Variants in GTPBP10 observed in about 807,000 individuals in gnomAD.
GTPBP10 encodes GTP-binding protein 10.
Under a neutral mutation model 44.8 loss-of-function variants are expected in GTPBP10, and 38 were observed. The observed-to-expected ratio is 0.85, with a 90% CI of 0.65 to 1.11. GTPBP10 has a LOEUF of 1.11. Among genes scored for constraint, GTPBP10 ranks in the 50% most tolerant of loss-of-function variants. GTPBP10 has a pLI of 0.00. For missense variants in GTPBP10, 462 were observed against 453.7 expected (o/e 1.02, Z -0.17); for synonymous variants, 152 against 150.6 (o/e 1.01, Z -0.07).
chr7:90,358,443 A>G (rs1795947976), intron 4 of GTPBP10, among the ~76,000 whole-genome samples: 1 of 152,168 alleles, frequency 6.6e-6, no homozygotes, highest in Non-Finnish European at 1.5e-5. Flanking sequence ...GGAACAGAAT[A>G]GAGAACCCAG....
intron 1 of GTPBP10, among the ~76,000 whole-genome samples, chr7:90,350,473 TAGA>T (rs1795769209): frequency 6.6e-6 from 1 of 151,924 alleles, no homozygotes; most frequent in Non-Finnish European, 1.5e-5. Context: ...TTGAGGAATC[TAGA>T]ACTGTCTTCC....
At chr7:90,367,413 C>CT (rs1216963067) in intron 4 of GTPBP10, among the ~76,000 whole-genome samples, 2 of 152,136 alleles carry the variant, frequency 1.3e-5, no homozygotes, top group African/African-American at 4.8e-5. Context: ...GTGTGGGAGT[C>CT]TAAGTCTCTT....
rs1018855799 is a variant in GTPBP10, at chr7:90,390,125, A to G, written c.*4971A>G. On this transcript the variant is annotated 3_prime_UTR_variant, in exon 10 of 10. Coordinates refer to ENST00000222511, the MANE Select transcript of GTPBP10 (RefSeq NM_033107.4). ...TTTTTCTAATTGAAGCTTGGCAAGC[A>G]GAGGGAAATGTATTAGGGAAATAGC... 1 of 152,228 alleles carries G rather than the reference A, an allele frequency of 6.6e-6. No individual in the cohort carries two copies. Among genetic ancestry groups the G allele is most frequent in the African/African-American group, 2.4e-5 (1 of 41,462 alleles). The allele number at this position is 152,228 out of a possible 1,614,324, so 9.4% of individuals were successfully genotyped here.
intron 4 of GTPBP10, among the ~76,000 whole-genome samples, chr7:90,356,969 A>G (rs1231890088): frequency 6.6e-6 from 1 of 152,212 alleles, no homozygotes; most frequent in Non-Finnish European, 1.5e-5. Flanking sequence ...AAGATTTTTA[A>G]GTGGAATGTT....
intron 5 of GTPBP10, among the ~76,000 whole-genome samples, chr7:90,373,054 G>C (rs1382866722): frequency 1.3e-5 from 2 of 152,166 alleles, no homozygotes; most frequent in Admixed American, 1.3e-4. Context: ...GTAAAATAGA[G>C]TGGAGGGTGA....
chr7:90,361,474 G>T (rs1192200596), intron 4 of GTPBP10, among the ~76,000 whole-genome samples: 1 of 152,156 alleles, frequency 6.6e-6, no homozygotes, highest in African/African-American at 2.4e-5. Flanking sequence ...TGCATCCCAG[G>T]GATGAAGCCC....
intron 6 of GTPBP10, among the ~76,000 whole-genome samples, chr7:90,376,685 A>G (rs1272896837): frequency 6.6e-6 from 1 of 152,232 alleles, no homozygotes; most frequent in Non-Finnish European, 1.5e-5. Flanking sequence ...CCAAAACCAC[A>G]GTTACTTTTA....
At chr7:90,352,781 T>G in intron 1 of GTPBP10, 35 bp from the exon 2 acceptor site, 6 of 1,505,488 alleles carry the variant, frequency 4.0e-6, no homozygotes, top group Non-Finnish European at 5.4e-6. Flanking sequence ...GATACACTTT[T>G]GGTATACAAA....
chr7:90,369,897 G>A (rs1344555936), intron 4 of GTPBP10, among the ~76,000 whole-genome samples: 1 of 152,172 alleles, frequency 6.6e-6, no homozygotes, highest in Admixed American at 6.5e-5. Flanking sequence ...CCCATCTTCT[G>A]TGTCGATCTT....
chr7:90,351,104 G>A (rs1457077747), intron 1 of GTPBP10, among the ~76,000 whole-genome samples: 2 of 152,158 alleles, frequency 1.3e-5, no homozygotes, highest in Non-Finnish European at 2.9e-5. Flanking sequence ...TTGAGATCCC[G>A]GGATAGTTAC....
Position 90,391,193 on chromosome 7 carries a change from C to A in GTPBP10, c.*6039C>A, listed in dbSNP as rs1402975360. ...CTATAAAAATATGAAGCAGAAAACTCCCCCATGATTTCCTCATGTTGCTTA... is the reference window on the plus strand; with the variant it reads ...CTATAAAAATATGAAGCAGAAAACTACCCCATGATTTCCTCATGTTGCTTA... On this transcript the variant is annotated 3_prime_UTR_variant, in exon 10 of 10. Transcript: ENST00000222511. The A allele has an allele frequency of 6.6e-6, 1 of 152,116 alleles. No individual in the cohort carries two copies. Among genetic ancestry groups the A allele is most frequent in the African/African-American group, 2.4e-5 (1 of 41,420 alleles). 9.4% of individuals were successfully genotyped at this position (152,116 alleles called of 1,614,324 possible).
chr7:90,382,708 A>G (rs1432388759), intron 8 of GTPBP10, among the ~76,000 whole-genome samples: 1 of 152,226 alleles, frequency 6.6e-6, no homozygotes, highest in Non-Finnish European at 1.5e-5. Flanking sequence ...TGAAGTCCAG[A>G]TACCCATATT....
At chr7:90,384,104 G>A (rs1368210561) in intron 9 of GTPBP10, among the ~76,000 whole-genome samples, 1 of 152,214 alleles carries the variant, frequency 6.6e-6, no homozygotes, top group East Asian at 1.9e-4. Flanking sequence ...GGGTGACTCA[G>A]GAGTCTGTAG....
intron 9 of GTPBP10, among the ~76,000 whole-genome samples, chr7:90,384,597 C>A (rs903753738): frequency 6.6e-6 from 1 of 150,842 alleles, no homozygotes. Context: ...TTATTTAACC[C>A]CCCCCACACA....
rs528614938 is a variant in GTPBP10, at chr7:90,377,775, G to A, written c.699+161G>A. On this transcript the variant is annotated intron_variant, in intron 7 of 9. Coordinates refer to ENST00000222511, the MANE Select transcript of GTPBP10 (RefSeq NM_033107.4). The stretch of plus-strand genomic sequence containing the variant: ...AGTGACATTGTTTACTATATCATAT[G>A]TAAGTTTGGCCATACTTGCCAACAT... Among the ~76,000 whole-genome samples the A allele has an allele frequency of 3.3e-5, 5 of 152,208 alleles. No homozygotes were observed. In the South Asian group the frequency reaches 1.0e-3, roughly 32 times the overall value.
rs1795865181 is a variant in GTPBP10 at position 90,354,937 on chromosome 7, A to G, written c.320-149A>G. The G allele has an allele frequency of 6.3e-6, 3 of 473,462 alleles. No individual in the cohort carries two copies. In the Admixed American group the frequency reaches 1.2e-4, roughly 19 times the overall value. The allele number at this position is 473,462 out of a possible 1,614,324, so 29.3% of individuals were successfully genotyped here. Reference sequence around the variant, plus strand: ...GAGAATTTCCTGGCATGTATTTTTGAAAGTAAAATATTACATTAATGATTT... The same window carrying G: ...GAGAATTTCCTGGCATGTATTTTTGGAAGTAAAATATTACATTAATGATTT... On this transcript the variant is annotated intron_variant, in intron 3 of 9. Transcript: ENST00000222511.
In GTPBP10 at chr7:90,389,400, C is replaced by CAAA. The variant is rs939510875; in HGVS notation, c.*4246_*4247insAAA. On this transcript the variant is annotated 3_prime_UTR_variant, in exon 10 of 10. Coordinates refer to ENST00000222511, the MANE Select transcript of GTPBP10 (RefSeq NM_033107.4). ...TAAAAAATTTGAATTTTTTTTTTTC[C>CAAA]CCCCCCAGACGGAGTCTCGCTCTCT... is the stretch of plus-strand genomic sequence containing the variant. The CAAA allele has an allele frequency of 4.4e-5, 4 of 91,402 alleles. No homozygotes were observed. The highest frequency in any genetic ancestry group is 8.7e-5 in the African/African-American group (2 of 22,938). The allele number at this position is 91,402 out of a possible 1,614,324, so 5.7% of individuals were successfully genotyped here.
Position 90,387,330 on chromosome 7 carries a change from T to C in GTPBP10, c.*2176T>C, listed in dbSNP as rs956277903. ...CAGCCTGGAGGACAAGAGGGAGACT[T>C]CCTCTCAAAAAACAAAATATTGTAC... is the stretch of plus-strand genomic sequence containing the variant. On this transcript the variant is annotated 3_prime_UTR_variant, in exon 10 of 10. Transcript: ENST00000222511. 4 of 44,698 alleles carry C rather than the reference T, an allele frequency of 8.9e-5. No homozygotes were observed. Among genetic ancestry groups the C allele is most frequent in the African/African-American group, 3.6e-4 (4 of 11,178 alleles). The allele number at this position is 44,698 out of a possible 1,614,324, so 2.8% of individuals were successfully genotyped here.
intron 4 of GTPBP10, among the ~76,000 whole-genome samples, chr7:90,358,143 A>G (rs141316769): frequency 0.028 from 4,326 of 152,198 alleles, 80 homozygotes; most frequent in African/African-American, 0.045. Context: ...ACCAACAACA[A>G]CCAAGCTGAG....
Sources: allele counts gnomAD v4.1 joint callset (sites outside exome capture counted in the v4.1 genomes callset), GRCh38; gene constraint gnomAD v4.1.1; transcripts MANE v1.5; gene names NCBI Gene and HGNC (gene_info 2026-07-23, HGNC 2026-07-21).